ABCC1: variants seen among roughly 807,000 people sequenced by gnomAD.
The protein encoded by ABCC1 is ATP binding cassette subfamily C member 1 (ABCC1 blood group).
A neutral mutation model predicts 172.9 loss-of-function variants in ABCC1; 83 were observed. The observed-to-expected ratio is 0.48, with a 90% CI of 0.40 to 0.58. The LOEUF (loss-of-function observed/expected upper bound fraction) is 0.58, where lower values mean the gene tolerates loss of function less well. ABCC1 is among the 20% of genes least tolerant of loss of function. The pLI, the probability that ABCC1 is intolerant of heterozygous loss-of-function variation, is 0.00. For missense variants in ABCC1, 1,817 were observed against 2,002.7 expected (o/e 0.91, Z 1.77); for synonymous variants, 937 against 825.2 (o/e 1.14, Z -2.32).
Position 16,124,921 on chromosome 16 carries a change from A to T in ABCC1, c.3717+6A>T. The T allele has an allele frequency of 1.2e-6, 2 of 1,614,120 alleles. No individual in the cohort carries two copies. The highest frequency in any genetic ancestry group is 1.7e-6 in the Non-Finnish European group (2 of 1,180,026). On this transcript the variant is annotated splice_donor_region_variant and intron_variant, in intron 25 of 30. Coordinates refer to ENST00000399410, the MANE Select transcript of ABCC1 (RefSeq NM_004996.4). Reference sequence around the variant, plus strand: ...CAGTGTCTTACTCATTGCAGGTAAGAGGGGATGCTCTTGGCTGGATTATTA... The same window carrying T: ...CAGTGTCTTACTCATTGCAGGTAAGTGGGGATGCTCTTGGCTGGATTATTA...
chr16:15,979,836 G>A (rs747787942), intron 1 of ABCC1, among the ~76,000 whole-genome samples: 29 of 152,060 alleles, frequency 1.9e-4, no homozygotes, highest in Non-Finnish European at 3.7e-4. Flanking sequence ...TGTGGTGTGT[G>A]CCTGGCCTTG....
At chr16:16,021,982 A>C (rs1015352676) in intron 5 of ABCC1, among the ~76,000 whole-genome samples, 1 of 152,020 alleles carries the variant, frequency 6.6e-6, no homozygotes, top group African/African-American at 2.4e-5. Context: ...CAACGGGACA[A>C]CCTGTTTGCT....
At chr16:15,968,304 G>A (rs1034390652) in intron 1 of ABCC1, among the ~76,000 whole-genome samples, 1 of 152,128 alleles carries the variant, frequency 6.6e-6, no homozygotes, top group South Asian at 2.1e-4. Flanking sequence ...AAAGTCCTGG[G>A]ATTACCGGGG....
chr16:16,118,074 T>C (rs1332626534), intron 23 of ABCC1, among the ~76,000 whole-genome samples: 1 of 152,218 alleles, frequency 6.6e-6, no homozygotes, highest in African/African-American at 2.4e-5. Context: ...AGGTGGAGCA[T>C]CTTGCTAAGT....
At position 16,007,876 on chromosome 16, in the gene ABCC1, G is replaced by A. The variant is rs1427138675; in HGVS notation, c.109G>A (p.Val37Ile). Residue 37 changes from valine (V) to isoleucine (I), a missense_variant, in exon 2 of 31, where the codon GTC becomes ATC. By Grantham distance (29) the Val-to-Ile change is conservative (BLOSUM62 3). Transcript: ENST00000399410. ...PDFTKCFQNT[V>I]LVWVPCFYLW... The stretch of plus-strand genomic sequence containing the variant: ...CTTCACCAAGTGCTTTCAGAACACG[G>A]TCCTCGTGTGGGTGCCTTGTTTTTA... 6.2e-7 allele frequency: 1 copy of A among 1,613,708 alleles called. No homozygotes were observed. The highest frequency in any genetic ancestry group is 1.7e-5 in the Admixed American group (1 of 59,932).
chr16:16,047,709 C>T (rs35590), intron 9 of ABCC1, among the ~76,000 whole-genome samples: 2 of 150,936 alleles, frequency 1.3e-5, no homozygotes, highest in African/African-American at 4.9e-5. Context: ...CCCTGGCCCA[C>T]ACCCTCAGTC....
intron 13 of ABCC1, among the ~76,000 whole-genome samples, chr16:16,068,933 G>C (rs2151951120): frequency 6.6e-6 from 1 of 150,782 alleles, no homozygotes; most frequent in Non-Finnish European, 1.5e-5. Context: ...GTTGCAGTGA[G>C]CCAAGATCGT....
intron 26 of ABCC1, among the ~76,000 whole-genome samples, chr16:16,130,732 C>G (rs1355994114): frequency 6.6e-6 from 1 of 152,178 alleles, no homozygotes; most frequent in African/African-American, 2.4e-5. Context: ...CTCTGACAAG[C>G]TGTTATTCAT....
intron 8 of ABCC1, among the ~76,000 whole-genome samples, chr16:16,045,504 T>G (rs546256170): frequency 6.6e-6 from 1 of 151,864 alleles, no homozygotes; most frequent in African/African-American, 2.4e-5. Context: ...TCTCTGCTGC[T>G]CTGTGACTCA....
chr16:16,024,950 G>A (rs970047335), intron 5 of ABCC1, among the ~76,000 whole-genome samples: 13 of 152,048 alleles, frequency 8.5e-5, no homozygotes, highest in African/African-American at 2.7e-4. Flanking sequence ...AGGCTTAGGG[G>A]GGAAGATTTC....
chr16:15,984,985 C>T (rs1213366789), intron 1 of ABCC1, among the ~76,000 whole-genome samples: 1 of 151,958 alleles, frequency 6.6e-6, no homozygotes, highest in East Asian at 1.9e-4. Context: ...CACCTGTGGT[C>T]CCAGCTGCCT....
chr16:16,115,104 A>G (rs1465046831), intron 23 of ABCC1, 28 bp downstream of exon 23: 6 of 1,604,780 alleles, frequency 3.7e-6, no homozygotes. Context: ...AGTGTTCGGG[A>G]CAAGCCCTAC....
intron 21 of ABCC1, among the ~76,000 whole-genome samples, chr16:16,110,142 G>C (rs1453531053): frequency 1.4e-5 from 2 of 147,782 alleles, no homozygotes; most frequent in Non-Finnish European, 3.0e-5. Context: ...GTCTCCCTCT[G>C]TCACCCAGGC....
At chr16:16,133,396 GT>G (rs201825890) in intron 27 of ABCC1, among the ~76,000 whole-genome samples, 61 of 148,644 alleles carry the variant, frequency 4.1e-4, no homozygotes, top group African/African-American at 1.5e-3. Context: ...TTTTGTTTTT[GT>G]TTTTGTTTTG....
chr16:16,076,366 C>T lies in ABCC1; in HGVS notation c.1953C>T (p.Phe651=), dbSNP rs769409548. The T allele has an allele frequency of 1.2e-6, 2 of 1,612,092 alleles. No individual in the cohort carries two copies. The highest frequency in any genetic ancestry group is 1.7e-6 in the Non-Finnish European group (2 of 1,179,140). Residue 651 remains phenylalanine (F), a synonymous_variant, in exon 15 of 31, where the codon TTC becomes TTT. Transcript: ENST00000399410. The stretch of plus-strand genomic sequence containing the variant: ...GCATCACCGTGAGGAATGCCACATT[C>T]ACCTGGGCCAGGAGCGACCCTCCCA... ...TNSITVRNAT[F]TWARSDPPTL...
At position 16,131,877 on chromosome 16, in the gene ABCC1, G is replaced by A. The variant is rs746585220; in HGVS notation, c.3908G>A (p.Arg1303Gln). 78 of 1,614,056 alleles carry A rather than the reference G, an allele frequency of 4.8e-5. No individual in the cohort carries two copies. The highest frequency in any genetic ancestry group is 6.4e-5 in the Non-Finnish European group (75 of 1,180,032). Residue 1303 changes from arginine to glutamine, a missense_variant, in exon 27 of 31, where the codon CGA becomes CAA. Physicochemically the swap from Arg to Gln is conservative, Grantham distance 43 (BLOSUM62 1). Coordinates refer to ENST00000399410, the MANE Select transcript of ABCC1 (RefSeq NM_004996.4). ...VEFRNYCLRY[R>Q]EDLDFVLRHI... ...TTCCGGAACTACTGCCTGCGCTACC[G>A]AGAGGACCTGGACTTCGTTCTCAGG...
chr16:16,085,434 TG>T (rs2050969912), intron 17 of ABCC1, among the ~76,000 whole-genome samples: 1 of 152,136 alleles, frequency 6.6e-6, no homozygotes. Context: ...CTTTCTTACG[TG>T]GTGAATGATG....
intron 26 of ABCC1, among the ~76,000 whole-genome samples, chr16:16,130,279 G>A (rs1048235184): frequency 1.3e-5 from 2 of 152,078 alleles, no homozygotes; most frequent in East Asian, 1.9e-4. Context: ...TTTTATTGTC[G>A]TGTCTGTCCA....
intron 1 of ABCC1, among the ~76,000 whole-genome samples, chr16:16,004,437 C>A (rs2047442676): frequency 6.6e-6 from 1 of 152,130 alleles, no homozygotes; most frequent in Admixed American, 6.6e-5. Flanking sequence ...ACAGTTTAAT[C>A]CTTTTTTCAG....
Sources: allele counts gnomAD v4.1 joint callset (sites outside exome capture counted in the v4.1 genomes callset), GRCh38; gene constraint gnomAD v4.1.1; transcripts MANE v1.5; gene names NCBI Gene and HGNC (gene_info 2026-07-23, HGNC 2026-07-21).